The following COL9A1 variants were observed in gnomAD, a reference collection of about 807,000 sequenced individuals.
COL9A1 encodes the protein collagen alpha-1(IX) chain.
A neutral mutation model predicts 142.6 loss-of-function variants in COL9A1; 104 were observed. That is an observed-to-expected ratio of 0.73 (90% confidence interval 0.62 to 0.86). The LOEUF is 0.86. COL9A1 is among the 40% of genes least tolerant of loss of function. The pLI is 0.00. For synonymous variants in COL9A1, 466 were observed against 396.0 expected (o/e 1.18, Z -2.10); for missense variants, 1,210 against 1,176.6 (o/e 1.03, Z -0.42).
intron 32 of COL9A1, 52 bp from the exon 33 acceptor site, chr6:70,239,338 T>C: frequency 8.0e-7 from 1 of 1,245,042 alleles, no homozygotes; most frequent in East Asian, 2.3e-5. Flanking sequence ...CATTTGATAA[T>C]TTCCTGAAAA....
chr6:70,251,747 A>G (rs1770960294), intron 28 of COL9A1, among the ~76,000 whole-genome samples: 1 of 152,146 alleles, frequency 6.6e-6, no homozygotes, highest in Admixed American at 6.6e-5. Flanking sequence ...GGTGATGGAA[A>G]TATTCTAAAC....
At position 70,270,216 on chromosome 6, in the gene COL9A1, A is replaced by G. The variant is rs778373829; in HGVS notation, c.1197+98T>C. On this transcript the variant is annotated intron_variant, in intron 15 of 37. Transcript: ENST00000357250. ...GATAGCCGTTTTGGAAATTTGGGAC[A>G]ATGACTCAATTAATAGGAACTTCCA... 55 of 1,235,906 alleles carry G rather than the reference A, an allele frequency of 4.5e-5. No homozygotes were observed. The Middle Eastern group carries it at 5.6e-4, about 13-fold the overall frequency. 76.6% of individuals were successfully genotyped at this position (1,235,906 alleles called of 1,614,324 possible). A position where few individuals can be genotyped will look rare whatever the true frequency, so the allele number is the denominator to read the frequency against.
At chr6:70,299,393 G>T (rs1336035726) in intron 4 of COL9A1, among the ~76,000 whole-genome samples, 1 of 151,790 alleles carries the variant, frequency 6.6e-6, no homozygotes, top group African/African-American at 2.4e-5. Flanking sequence ...CATAAATAAG[G>T]TATTTAGGTG....
Position 70,294,401 on chromosome 6 carries a change from T to A in COL9A1, c.462A>T (p.Val154=), listed in dbSNP as rs150571620. 40 of 1,613,954 alleles carry A rather than the reference T, an allele frequency of 2.5e-5. No individual in the cohort carries two copies. Among genetic ancestry groups the A allele is most frequent in the Non-Finnish European group, 1.2e-5 (14 of 1,179,988 alleles). ...IKINGQTQSV[V]FSYKGLDGSL... ...TTCCATCCAGTCCCTTGTATGAAAA[T>A]ACAACAGATTGTGTTTGGCCATTAA... is the stretch of plus-strand genomic sequence containing the variant. The change falls in exon 5 of 38, where the codon GTA becomes GTT. Residue 154 remains valine (V), a synonymous_variant. Transcript: ENST00000357250.
chr6:70,245,064 C>A (rs1383133856), intron 28 of COL9A1, among the ~76,000 whole-genome samples: 1 of 152,214 alleles, frequency 6.6e-6, no homozygotes, highest in African/African-American at 2.4e-5. Flanking sequence ...TCCTATAAAT[C>A]CTTGGCCATT....
chr6:70,254,602 A>G (rs2127576445), intron 24 of COL9A1, 73 bp from the exon 25 acceptor site: 2 of 1,419,730 alleles, frequency 1.4e-6, no homozygotes, highest in East Asian at 4.6e-5. Flanking sequence ...ACGGAGGAGC[A>G]CAGACGTTTT....
Position 70,269,622 on chromosome 6 carries a change from A to G in COL9A1, c.1230+11T>C, listed in dbSNP as rs1208040896. 1.9e-6 allele frequency: 3 copies of G among 1,579,092 alleles called. No individual in the cohort carries two copies. The South Asian group carries it at 3.3e-5, about 17-fold the overall frequency. On this transcript the variant is annotated intron_variant, in intron 16 of 37. Transcript: ENST00000357250. ...TTAAAACTATATTTTGTTCAAAGGA[A>G]AGCATCTTACCAATGGATCTCCATC...
intron 35 of COL9A1, among the ~76,000 whole-genome samples, 173 bp downstream of exon 35, chr6:70,234,366 A>G (rs909916786): frequency 2.0e-5 from 3 of 152,140 alleles, no homozygotes; most frequent in African/African-American, 7.2e-5. Context: ...GCTGTATACT[A>G]TTGTGGATGC....
intron 19 of COL9A1, chr6:70,260,995 A>G (rs1056914093): frequency 3.0e-6 from 1 of 338,756 alleles, no homozygotes; most frequent in Admixed American, 4.3e-5. Flanking sequence ...AAATTGTGAT[A>G]ATATGTTTGA....
At chr6:70,283,394 G>A (rs1349834374) in intron 6 of COL9A1, 1 of 747,162 alleles carries the variant, frequency 1.3e-6, no homozygotes, top group Non-Finnish European at 2.1e-6. Flanking sequence ...GGCTGTCCTC[G>A]GAGACTTCCC....
In COL9A1 at chr6:70,280,740, C is replaced by G. The variant is rs181957735; in HGVS notation, c.975+72G>C. ...CTCTTTCTCTCTCTCCCTCCCCCCC[C>G]ACAAAACACACACTTACTCGTACCC... On this transcript the variant is annotated intron_variant, in intron 10 of 37. Transcript: ENST00000357250. 3.9e-6 allele frequency: 6 copies of G among 1,521,498 alleles called. No homozygotes were observed. In the African/African-American group the frequency reaches 4.2e-5, roughly 11 times the overall value. The allele number at this position is 1,521,498 out of a possible 1,614,324, so 94.2% of individuals were successfully genotyped here. A position where few individuals can be genotyped will look rare whatever the true frequency, so the allele number is the denominator to read the frequency against.
At chr6:70,295,279 T>C (rs1222357372) in intron 4 of COL9A1, among the ~76,000 whole-genome samples, 1 of 123,710 alleles carries the variant, frequency 8.1e-6, no homozygotes, top group Non-Finnish European at 1.6e-5. Flanking sequence ...CTGTTGTTGC[T>C]TCTTTTTTTT....
rs745496117 is a variant in COL9A1 at position 70,225,908 on chromosome 6, C to G, written c.2581+24G>C. 5.0e-6 allele frequency: 8 copies of G among 1,603,516 alleles called. No individual in the cohort carries two copies. The South Asian group carries it at 8.8e-5, about 18-fold the overall frequency. ...TTGCTACCAATTTCGCTACCTCCTCCTCTCAGCTATACAACACACTTACCT... is the reference window on the plus strand; with the variant it reads ...TTGCTACCAATTTCGCTACCTCCTCGTCTCAGCTATACAACACACTTACCT... On this transcript the variant is annotated intron_variant, in intron 37 of 37. Coordinates refer to ENST00000357250, the MANE Select transcript of COL9A1 (RefSeq NM_001851.6).
chr6:70,256,506 A>G (rs975874341), intron 21 of COL9A1, among the ~76,000 whole-genome samples: 1 of 152,214 alleles, frequency 6.6e-6, no homozygotes, highest in African/African-American at 2.4e-5. Context: ...CCTAATAACC[A>G]AAGAAAAGGA....
chr6:70,267,182 G>A (rs1284667011), intron 17 of COL9A1, among the ~76,000 whole-genome samples: 2 of 152,168 alleles, frequency 1.3e-5, no homozygotes, highest in African/African-American at 4.8e-5. Context: ...CCCTCTGAAG[G>A]CTGCTCTGAA....
Position 70,271,945 on chromosome 6 carries a change from T to C in COL9A1, c.1089+120A>G, listed in dbSNP as rs1247677478. On this transcript the variant is annotated intron_variant, in intron 13 of 37. Coordinates refer to ENST00000357250, the MANE Select transcript of COL9A1 (RefSeq NM_001851.6). ...TTATCCTTAGTAGCCACCTAAGATC[T>C]TGCAGGTAGAACACTGTAAACACCA... is the stretch of plus-strand genomic sequence containing the variant. 5 of 1,067,598 alleles carry C rather than the reference T, an allele frequency of 4.7e-6. No homozygotes were observed. In the African/African-American group the frequency reaches 6.4e-5, roughly 14 times the overall value. 66.1% of individuals were successfully genotyped at this position (1,067,598 alleles called of 1,614,324 possible). A position where few individuals can be genotyped will look rare whatever the true frequency, so the allele number is the denominator to read the frequency against.
chr6:70,299,927 A>T, intron 4 of COL9A1, 116 bp downstream of exon 4: 1 of 1,011,602 alleles, frequency 9.9e-7, no homozygotes, highest in Admixed American at 2.1e-5. Flanking sequence ...CTTCATCTTT[A>T]AATACAATTA....
intron 11 of COL9A1, 42 bp from the exon 12 acceptor site, chr6:70,274,124 A>G (rs1456666070): frequency 6.8e-7 from 1 of 1,468,914 alleles, no homozygotes; most frequent in Non-Finnish European, 9.4e-7. Context: ...CTTTCATATC[A>G]TGAATATGTA....
intron 37 of COL9A1, among the ~76,000 whole-genome samples, chr6:70,222,445 C>A (rs1768938808): frequency 6.6e-6 from 1 of 152,198 alleles, no homozygotes; most frequent in South Asian, 2.1e-4. Context: ...GAGAAACAAA[C>A]TAGATTGTGC....
Sources: allele counts gnomAD v4.1 joint callset (sites outside exome capture counted in the v4.1 genomes callset), GRCh38; gene constraint gnomAD v4.1.1; transcripts MANE v1.5; gene names NCBI Gene and HGNC (gene_info 2026-07-23, HGNC 2026-07-21).